MAP2K4: variants seen among roughly 807,000 people sequenced by gnomAD.
MAP2K4 encodes the protein dual specificity mitogen-activated protein kinase kinase 4.
In MAP2K4, 4 loss-of-function variants were observed where a neutral mutation model predicts 48.5. The ratio of observed to expected loss-of-function variants is 0.08; its 90% CI spans 0.04 to 0.19. MAP2K4 has a LOEUF of 0.19. Among genes scored for constraint, MAP2K4 ranks in the 10% least tolerant of loss-of-function variants. MAP2K4 has a pLI of 1.00. For synonymous variants in MAP2K4, 166 were observed against 173.1 expected, an observed-to-expected ratio of 0.96 and a Z score of 0.32; for missense variants, 258 against 493.3, an observed-to-expected ratio of 0.52 and a Z score of 4.52.
chr17:12,138,808 A>C (rs1361289932), intron 9 of MAP2K4, among the ~76,000 whole-genome samples: 1 of 152,202 alleles, frequency 6.6e-6, no homozygotes, highest in Non-Finnish European at 1.5e-5. Flanking sequence ...GTGCCATGTC[A>C]TTGAAGGCCT....
chr17:12,086,845 T>A (rs1971381428), intron 3 of MAP2K4, among the ~76,000 whole-genome samples: 1 of 151,966 alleles, frequency 6.6e-6, no homozygotes, highest in South Asian at 2.1e-4. Context: ...TGTTTTGTTT[T>A]GTTTTGTTTT....
chr17:12,132,903 T>C (rs1420738979), intron 9 of MAP2K4, among the ~76,000 whole-genome samples: 2 of 152,154 alleles, frequency 1.3e-5, no homozygotes, highest in Non-Finnish European at 2.9e-5. Context: ...ATGATTACAT[T>C]TGTAGTAATT....
intron 1 of MAP2K4, among the ~76,000 whole-genome samples, chr17:12,053,064 C>CTT (rs1307148442): frequency 6.6e-6 from 1 of 152,128 alleles, no homozygotes; most frequent in African/African-American, 2.4e-5. Flanking sequence ...GGGTAAAACT[C>CTT]TGAGTATTAT....
chr17:12,032,163 A>T (rs531017820), intron 1 of MAP2K4: 1 of 498,812 alleles, frequency 2.0e-6, no homozygotes, highest in African/African-American at 1.9e-5. Context: ...CTGTTCTTGA[A>T]TTAGTTTTAT....
chr17:12,030,152 G>A (rs1969386357), intron 1 of MAP2K4, among the ~76,000 whole-genome samples: 1 of 152,088 alleles, frequency 6.6e-6, no homozygotes, highest in African/African-American at 2.4e-5. Context: ...TGCACTATAA[G>A]CACTAACTTT....
intron 9 of MAP2K4, among the ~76,000 whole-genome samples, chr17:12,132,907 A>G (rs1973076991): frequency 6.6e-6 from 1 of 152,188 alleles, no homozygotes. Context: ...TTACATTTGT[A>G]GTAATTTTGG....
intron 3 of MAP2K4, among the ~76,000 whole-genome samples, chr17:12,093,079 C>T (rs1348463875): frequency 6.6e-6 from 1 of 152,144 alleles, no homozygotes; most frequent in Non-Finnish European, 1.5e-5. Flanking sequence ...GATGCAATAC[C>T]AGCAGCTACT....
rs2151573165 is a variant in MAP2K4 at position 12,107,872 on chromosome 17, T to A, written c.596T>A (p.Val199Asp). ...YKYVYSVLDD[V>D]IPEEILGKIT... ...TATGTATATAGTGTATTAGATGATG[T>A]TATTCCAGAAGAAATTTTAGGCAAA... The change falls in exon 5 of 11, where the codon GTT (valine) becomes GAT (aspartate). Residue 199 changes from valine to aspartate, a missense_variant. Val to Asp is a radical substitution (Grantham distance 152). This residue lies in a region of MAP2K4 where 132 missense variants were observed against 352.8 expected (regional missense o/e 0.37). Transcript: ENST00000353533. 6.3e-7 allele frequency: 1 copy of A among 1,598,752 alleles called. No homozygotes were observed. Among genetic ancestry groups the A allele is most frequent in the East Asian group, 2.3e-5 (1 of 44,328 alleles).
At chr17:12,110,236 C>G (rs1972259322) in intron 5 of MAP2K4, 139 bp from the exon 6 acceptor site, 1 of 656,738 alleles carries the variant, frequency 1.5e-6, no homozygotes. Context: ...CTTTGGTTAA[C>G]AAGAAATGAC....
At chr17:12,123,032 A>G (rs529052293) in intron 7 of MAP2K4, among the ~76,000 whole-genome samples, 1 of 152,126 alleles carries the variant, frequency 6.6e-6, no homozygotes, top group East Asian at 1.9e-4. Flanking sequence ...AGGTTTGCTC[A>G]TATTTTGTTA....
chr17:12,143,540 A>G lies in MAP2K4; in HGVS notation c.*2280A>G, dbSNP rs1465263417. On this transcript the variant is annotated 3_prime_UTR_variant, in exon 11 of 11. Transcript: ENST00000353533. ...ATTATCAAAAAGCTAATGTGCAGGG[A>G]TATTGCCTTATTTGTCTGTAAAAAA... 8.7e-6 allele frequency: 2 copies of G among 231,188 alleles called. No individual in the cohort carries two copies. Among genetic ancestry groups the G allele is most frequent in the Non-Finnish European group, 1.7e-5 (2 of 116,664 alleles). The allele number at this position is 231,188 out of a possible 1,614,324, so 14.3% of individuals were successfully genotyped here. A position where few individuals can be genotyped will look rare whatever the true frequency, so the allele number is the denominator to read the frequency against.
chr17:12,078,864 G>A lies in MAP2K4; in HGVS notation c.219-2492G>A, dbSNP rs375134519. 2.0e-5 allele frequency among the ~76,000 whole-genome samples: 3 copies of A among 152,158 alleles called. No homozygotes were observed. The East Asian group carries it at 5.8e-4, about 29-fold the overall frequency. ...TGTGTATAGTCCTGTGGAAGCCATT[G>A]TGGTTGTACCTACTGTTAAAGCAAT... is the stretch of plus-strand genomic sequence containing the variant. On this transcript the variant is annotated intron_variant, in intron 2 of 10. Coordinates refer to ENST00000353533, the MANE Select transcript of MAP2K4 (RefSeq NM_003010.4).
At chr17:12,098,686 ATG>A (rs1028138050) in intron 4 of MAP2K4, among the ~76,000 whole-genome samples, 1 of 152,094 alleles carries the variant, frequency 6.6e-6, no homozygotes, top group Non-Finnish European at 1.5e-5. Context: ...AAATGAATGT[ATG>A]TAGTCAGGAC....
intron 1 of MAP2K4, among the ~76,000 whole-genome samples, chr17:12,041,910 G>A (rs967682750): frequency 6.6e-6 from 1 of 152,172 alleles, no homozygotes; most frequent in Admixed American, 6.5e-5. Context: ...GCTGGGCGTG[G>A]TGGCTCATGC....
At chr17:12,106,554 G>A (rs1972118992) in intron 4 of MAP2K4, among the ~76,000 whole-genome samples, 1 of 151,880 alleles carries the variant, frequency 6.6e-6, no homozygotes, top group South Asian at 2.1e-4. Flanking sequence ...ACTTTTAACA[G>A]GCATTAATCT....
At chr17:12,035,720 G>T (rs1034462727) in intron 1 of MAP2K4, among the ~76,000 whole-genome samples, 1 of 152,162 alleles carries the variant, frequency 6.6e-6, no homozygotes, top group Non-Finnish European at 1.5e-5. Context: ...AGTTGTAGGA[G>T]GGTATGGGGC....
chr17:12,087,846 T>G (rs1329613092), intron 3 of MAP2K4, among the ~76,000 whole-genome samples: 2 of 152,086 alleles, frequency 1.3e-5, no homozygotes, highest in Non-Finnish European at 2.9e-5. Context: ...TTTGCTTGCT[T>G]CTTTTGCTGT....
chr17:12,122,002 T>C (rs1972709771), intron 7 of MAP2K4, among the ~76,000 whole-genome samples: 1 of 152,262 alleles, frequency 6.6e-6, no homozygotes, highest in South Asian at 2.1e-4. Context: ...AAGGAGTTCA[T>C]GGTTTTTCGA....
chr17:12,054,827 C>T, intron 1 of MAP2K4, 62 bp from the exon 2 acceptor site: 2 of 1,040,494 alleles, frequency 1.9e-6, no homozygotes, highest in Non-Finnish European at 3.0e-6. Flanking sequence ...TTTCTTATGC[C>T]CTCAGAATAG....
Sources: allele counts gnomAD v4.1 joint callset (sites outside exome capture counted in the v4.1 genomes callset), GRCh38; gene constraint gnomAD v4.1.1; regional missense constraint gnomAD v4.1.1; transcripts MANE v1.5; gene names NCBI Gene and HGNC (gene_info 2026-07-23, HGNC 2026-07-21).